Variants in ROBO1 observed in about 807,000 individuals in gnomAD.
ROBO1 encodes the protein roundabout homolog 1.
In ROBO1, 149 loss-of-function variants were observed where a neutral mutation model predicts 195.9. That is an observed-to-expected ratio of 0.76 (90% CI 0.67 to 0.87). ROBO1 has a LOEUF of 0.87. ROBO1 is among the 40% of genes least tolerant of loss of function. The pLI is 0.00. For synonymous variants in ROBO1, 816 were observed against 733.2 expected (o/e 1.11, Z -1.82); for missense variants, 1,933 against 2,068.3 (o/e 0.93, Z 1.27).
At chr3:79,004,550 A>C (rs1407634433) in intron 3 of ROBO1, among the ~76,000 whole-genome samples, 5 of 152,142 alleles carry the variant, frequency 3.3e-5, no homozygotes, top group Admixed American at 3.3e-4. Flanking sequence ...AAATACATCA[A>C]ATCTATCCTG....
chr3:79,513,652 G>GT (rs1264352233), intron 2 of ROBO1, among the ~76,000 whole-genome samples: 1 of 151,850 alleles, frequency 6.6e-6, no homozygotes, highest in Non-Finnish European at 1.5e-5. Context: ...ATGTTGCCTT[G>GT]TAAGAGCCAG....
intron 3 of ROBO1, among the ~76,000 whole-genome samples, chr3:79,014,903 G>A (rs2077885260): frequency 6.6e-6 from 1 of 152,256 alleles, no homozygotes; most frequent in East Asian, 1.9e-4. Context: ...TCTTCACTGA[G>A]AAGCTGTTAT....
At chr3:79,414,831 A>G (rs1428549766) in intron 2 of ROBO1, among the ~76,000 whole-genome samples, 1 of 152,216 alleles carries the variant, frequency 6.6e-6, no homozygotes, top group Non-Finnish European at 1.5e-5. Flanking sequence ...GATTATCAGC[A>G]GATGGGTGTA....
At chr3:78,602,967 T>G (rs186640980) in intron 29 of ROBO1, among the ~76,000 whole-genome samples, 9 of 152,310 alleles carry the variant, frequency 5.9e-5, no homozygotes, top group Non-Finnish European at 4.4e-5. Context: ...AAGTGTATCC[T>G]TTCCACATGG....
intron 3 of ROBO1, among the ~76,000 whole-genome samples, chr3:79,106,419 C>T (rs751382573): frequency 5.3e-5 from 8 of 151,458 alleles, no homozygotes; most frequent in Non-Finnish European, 1.2e-4. Context: ...TCTTTCAGAA[C>T]ATAACATTGC....
chr3:79,533,729 T>G (rs1224485149), intron 2 of ROBO1, among the ~76,000 whole-genome samples: 2 of 152,138 alleles, frequency 1.3e-5, no homozygotes, highest in African/African-American at 4.8e-5. Flanking sequence ...ATTTACAAGC[T>G]CTTTTGAAAT....
intron 1 of ROBO1, among the ~76,000 whole-genome samples, chr3:79,766,522 C>T (rs1229846957): frequency 6.6e-6 from 1 of 151,836 alleles, no homozygotes; most frequent in Non-Finnish European, 1.5e-5. Flanking sequence ...CGCGGTCCTC[C>T]GAGACCTCAG....
rs779997525 is a variant in ROBO1, at chr3:78,673,605, T to TATATACATATATATATATATATATAC, written c.1343-3305_1343-3304insGTATATATATATATATATATGTATAT. ...ATATATATATATATATATATATATA[T>TATATACATATATATATATATATATAC]ACACACATATATTACAGCAGGGTTA... On this transcript the variant is annotated intron_variant, in intron 10 of 30. Transcript: ENST00000464233. Among the ~76,000 whole-genome samples the TATATACATATATATATATATATATAC allele has an allele frequency of 2.6e-3, 137 of 53,278 alleles. 3 individuals are homozygous for TATATACATATATATATATATATATAC. Among genetic ancestry groups the TATATACATATATATATATATATATAC allele is most frequent in the African/African-American group, 9.2e-3 (133 of 14,532 alleles). The allele number at this position is 53,278 out of a possible 152,430, so 35.0% of individuals were successfully genotyped here. A position where few individuals can be genotyped will look rare whatever the true frequency, so the allele number is the denominator to read the frequency against.
intron 2 of ROBO1, among the ~76,000 whole-genome samples, chr3:79,506,623 T>C (rs897588232): frequency 9.2e-5 from 14 of 152,114 alleles, no homozygotes; most frequent in African/African-American, 2.9e-4. Context: ...TTTTGTACTT[T>C]TAGTAGAGAC....
At chr3:79,477,092 A>C (rs1430673992) in intron 2 of ROBO1, among the ~76,000 whole-genome samples, 1 of 152,146 alleles carries the variant, frequency 6.6e-6, no homozygotes, top group Non-Finnish European at 1.5e-5. Flanking sequence ...TGTAATAAAA[A>C]AAAATCCGTG....
At chr3:79,744,217 A>C in intron 1 of ROBO1, among the ~76,000 whole-genome samples, 1 of 152,150 alleles carries the variant, frequency 6.6e-6, no homozygotes, top group East Asian at 1.9e-4. Context: ...GCTTCATTAT[A>C]ATCTCGTGGG....
At chr3:79,590,202 G>T (rs139041132) in intron 1 of ROBO1, among the ~76,000 whole-genome samples, 2 of 151,796 alleles carry the variant, frequency 1.3e-5, no homozygotes, top group East Asian at 3.9e-4. Context: ...AATCATAAAT[G>T]ATTCCTGGTT....
chr3:79,354,284 A>G (rs1176063887), intron 2 of ROBO1, among the ~76,000 whole-genome samples: 1 of 152,150 alleles, frequency 6.6e-6, no homozygotes, highest in Non-Finnish European at 1.5e-5. Context: ...GAAGAAACAG[A>G]ACTTATTTTC....
At chr3:79,002,981 A>T (rs977343618) in intron 3 of ROBO1, among the ~76,000 whole-genome samples, 1 of 152,134 alleles carries the variant, frequency 6.6e-6, no homozygotes, top group Non-Finnish European at 1.5e-5. Flanking sequence ...CCCCAATGCT[A>T]AAGAGCTGAG....
chr3:78,980,187 C>CA (rs1488835249), intron 3 of ROBO1, among the ~76,000 whole-genome samples: 1 of 152,038 alleles, frequency 6.6e-6, no homozygotes, highest in East Asian at 1.9e-4. Context: ...TTCAAAGAGG[C>CA]ACATTAGCCC....
chr3:79,018,311 A>AG, intron 3 of ROBO1: 2 of 1,410,550 alleles, frequency 1.4e-6, no homozygotes, highest in Non-Finnish European at 2.0e-6. Context: ...CTTAGGAGGG[A>AG]GGGGTAACCA....
At chr3:79,657,760 G>A (rs1158200543) in intron 1 of ROBO1, among the ~76,000 whole-genome samples, 1 of 151,978 alleles carries the variant, frequency 6.6e-6, no homozygotes, top group African/African-American at 2.4e-5. Flanking sequence ...GAAATAAAAG[G>A]GGATCATATC....
intron 2 of ROBO1, among the ~76,000 whole-genome samples, chr3:79,297,402 T>C (rs2032650179): frequency 6.6e-6 from 1 of 152,164 alleles, no homozygotes; most frequent in African/African-American, 2.4e-5. Context: ...GTTTGACTTT[T>C]GCAAAACTGT....
At chr3:79,105,920 C>T (rs888167526) in intron 3 of ROBO1, among the ~76,000 whole-genome samples, 1 of 151,588 alleles carries the variant, frequency 6.6e-6, no homozygotes, top group African/African-American at 2.4e-5. Context: ...TTGTAAGTTG[C>T]CGGAGGTCCC....
Sources: gnomAD v4.1 joint callset for allele counts (sites outside exome capture counted in the v4.1 genomes callset) on GRCh38, gnomAD v4.1.1 for gene constraint, MANE v1.5 for transcripts, NCBI Gene and HGNC (gene_info 2026-07-23, HGNC 2026-07-21) for gene names.